The following NFIA variants were observed in gnomAD, a reference collection of about 807,000 sequenced individuals.
The protein encoded by NFIA is nuclear factor I A.
NFIA carries 8 observed loss-of-function variants against 62.8 expected under a neutral mutation model. That is an observed-to-expected ratio of 0.13 (90% CI 0.07 to 0.23). NFIA has a LOEUF of 0.23. NFIA is among the 10% of genes least tolerant of loss of function. The pLI, the probability that NFIA is intolerant of heterozygous loss-of-function variation, is 1.00. For synonymous variants in NFIA, 235 were observed against 238.1 expected (o/e 0.99, Z 0.12); for missense variants, 410 against 642.1 (o/e 0.64, Z 3.91).
At chr1:61,359,685 T>C (rs866312272) in intron 6 of NFIA, among the ~76,000 whole-genome samples, 1 of 152,254 alleles carries the variant, frequency 6.6e-6, no homozygotes, top group Non-Finnish European at 1.5e-5. Context: ...GGTTCCTCCT[T>C]CTTCTGCCTC....
intron 2 of NFIA, among the ~76,000 whole-genome samples, chr1:61,219,836 C>T (rs1169402732): frequency 2.0e-5 from 3 of 151,808 alleles, no homozygotes; most frequent in African/African-American, 4.8e-5. Flanking sequence ...CAGTGGCCCA[C>T]GCCTTAGTCC....
chr1:61,091,132 C>T (rs1014660977), intron 2 of NFIA, among the ~76,000 whole-genome samples: 2 of 152,172 alleles, frequency 1.3e-5, no homozygotes, highest in African/African-American at 2.4e-5. Context: ...ACCTATAATG[C>T]GTTTTTTCTC....
chr1:61,385,726 G>A (rs1402824371), intron 7 of NFIA: 2 of 152,126 alleles, frequency 1.3e-5, no homozygotes, highest in Non-Finnish European at 2.9e-5. Context: ...GACCCACGCT[G>A]GGTTGAACCA....
chr1:61,114,266 A>G (rs1646758519), intron 2 of NFIA, among the ~76,000 whole-genome samples: 1 of 151,398 alleles, frequency 6.6e-6, no homozygotes, highest in Admixed American at 6.6e-5. Flanking sequence ...AGAAAGACCT[A>G]TGTAGAAAAA....
At chr1:61,160,370 TTCTAA>T (rs1467126819) in intron 2 of NFIA, among the ~76,000 whole-genome samples, 1 of 152,212 alleles carries the variant, frequency 6.6e-6, no homozygotes, top group Non-Finnish European at 1.5e-5. Context: ...GCAATCTGAT[TTCTAA>T]TGAGCTCTTC....
chr1:61,215,255 A>C (rs1653542000), intron 2 of NFIA, among the ~76,000 whole-genome samples: 2 of 152,356 alleles, frequency 1.3e-5, no homozygotes, highest in South Asian at 4.1e-4. Flanking sequence ...CATGCAACTT[A>C]CAAGAATATT....
chr1:61,367,348 G>C (rs1663643581), intron 6 of NFIA, among the ~76,000 whole-genome samples: 1 of 152,188 alleles, frequency 6.6e-6, no homozygotes, highest in Admixed American at 6.5e-5. Flanking sequence ...CACTGCACTA[G>C]CATATATTAG....
At chr1:61,083,092 T>C in intron 1 of NFIA, among the ~76,000 whole-genome samples, 1 of 152,170 alleles carries the variant, frequency 6.6e-6, no homozygotes, top group East Asian at 1.9e-4. Flanking sequence ...CGCCCTCTTA[T>C]TAATGCGTTA....
At chr1:61,105,382 C>G (rs1482253420) in intron 2 of NFIA, among the ~76,000 whole-genome samples, 1 of 151,874 alleles carries the variant, frequency 6.6e-6, no homozygotes, top group Non-Finnish European at 1.5e-5. Context: ...TTAGGAAGAA[C>G]TTTAACTTTT....
chr1:61,373,275 A>T (rs976443852), intron 6 of NFIA, among the ~76,000 whole-genome samples: 2 of 152,190 alleles, frequency 1.3e-5, no homozygotes, highest in Non-Finnish European at 2.9e-5. Context: ...CCATAATAAG[A>T]TTTAGCAAGA....
At chr1:61,156,090 T>G (rs1037371054) in intron 2 of NFIA, among the ~76,000 whole-genome samples, 19 of 151,872 alleles carry the variant, frequency 1.3e-4, no homozygotes, top group Admixed American at 7.2e-4. Context: ...GCTGAGATCA[T>G]GCCATTGCGC....
chr1:61,377,185 T>C (rs937551560), intron 6 of NFIA, among the ~76,000 whole-genome samples: 1 of 151,468 alleles, frequency 6.6e-6, no homozygotes, highest in African/African-American at 2.4e-5. Flanking sequence ...ATTGCACCAC[T>C]GCACTCCAGC....
At chr1:61,100,935 A>G (rs937574590) in intron 2 of NFIA, among the ~76,000 whole-genome samples, 29 of 146,836 alleles carry the variant, frequency 2.0e-4, no homozygotes, top group African/African-American at 7.2e-4. Flanking sequence ...AGTTGTTAAC[A>G]TTGCTTTTTT....
At position 61,204,163 on chromosome 1, in the gene NFIA, T is replaced by C. The variant is rs1476544437; in HGVS notation, c.560-73357T>C. 2.0e-5 allele frequency among the ~76,000 whole-genome samples: 3 copies of C among 152,226 alleles called. No homozygotes were observed. The South Asian group carries it at 6.2e-4, about 32-fold the overall frequency. ...TTGCTCTCATTAAAGTGACCCCTGCTTTCCTCTGGCCCTCTTGAAGTGTAT... is the reference window on the plus strand; with the variant it reads ...TTGCTCTCATTAAAGTGACCCCTGCCTTCCTCTGGCCCTCTTGAAGTGTAT... On this transcript the variant is annotated intron_variant, in intron 2 of 10. Coordinates refer to ENST00000403491, the MANE Select transcript of NFIA (RefSeq NM_001134673.4).
chr1:61,260,352 G>A (rs1341179741), intron 2 of NFIA, among the ~76,000 whole-genome samples: 1 of 152,208 alleles, frequency 6.6e-6, no homozygotes, highest in African/African-American at 2.4e-5. Context: ...ACAGTGTAGC[G>A]ATTTGCAGTT....
chr1:61,339,411 C>T (rs2100406662), intron 4 of NFIA, among the ~76,000 whole-genome samples: 1 of 152,140 alleles, frequency 6.6e-6, no homozygotes, highest in East Asian at 1.9e-4. Flanking sequence ...TTTTATTTTG[C>T]CTATCTGAAC....
In NFIA at chr1:61,314,768, C is replaced by T. The variant is rs150637846; in HGVS notation, c.626-17744C>T. Among the ~76,000 whole-genome samples the T allele has an allele frequency of 2.3e-3, 357 of 152,292 alleles. 3 individuals are homozygous for T. The highest frequency in any genetic ancestry group is 8.2e-3 in the African/African-American group (340 of 41,556). ...GTATTTATTGAGGCCTACATTGCAG[C>T]GACCTGTGATGCTCTAAGGATACAG... On this transcript the variant is annotated intron_variant, in intron 3 of 10. Transcript: ENST00000403491.
chr1:61,380,340 T>G (rs1363072448), intron 6 of NFIA, among the ~76,000 whole-genome samples: 1 of 152,234 alleles, frequency 6.6e-6, no homozygotes, highest in Non-Finnish European at 1.5e-5. Context: ...TTTAAAAATC[T>G]GGTACTTCTA....
At chr1:61,116,436 C>T (rs913036075) in intron 2 of NFIA, among the ~76,000 whole-genome samples, 2 of 152,056 alleles carry the variant, frequency 1.3e-5, no homozygotes, top group African/African-American at 4.8e-5. Flanking sequence ...TTAGCAGGAA[C>T]AACGTTTTGT....
Sources: allele counts gnomAD v4.1 joint callset (sites outside exome capture counted in the v4.1 genomes callset), GRCh38; gene constraint gnomAD v4.1.1; transcripts MANE v1.5; gene names NCBI Gene and HGNC (gene_info 2026-07-23, HGNC 2026-07-21).